Variants in ADK observed in about 807,000 individuals in gnomAD.
ADK encodes the protein adenosine kinase.
A neutral mutation model predicts 44.7 loss-of-function variants in ADK; 24 were observed. The ratio of observed to expected loss-of-function variants is 0.54; its 90% CI spans 0.39 to 0.76. The LOEUF (loss-of-function observed/expected upper bound fraction) is 0.76. ADK is among the 30% of genes least tolerant of loss of function. ADK has a pLI of 0.00. For synonymous variants in ADK, 128 were observed against 142.6 expected, an observed-to-expected ratio of 0.90 and a Z score of 0.73; for missense variants, 321 against 425.1, an observed-to-expected ratio of 0.76 and a Z score of 2.15.
intron 6 of ADK, among the ~76,000 whole-genome samples, chr10:74,469,232 G>A (rs1846471008): frequency 2.0e-5 from 3 of 152,094 alleles, no homozygotes; most frequent in Non-Finnish European, 4.4e-5. Context: ...TGAGCTACTC[G>A]GGAGGCTAAG....
At chr10:74,319,641 A>G (rs1435668319) in intron 4 of ADK, among the ~76,000 whole-genome samples, 1 of 152,222 alleles carries the variant, frequency 6.6e-6, no homozygotes, top group Non-Finnish European at 1.5e-5. Flanking sequence ...TCAGCCGATA[A>G]CAACTATGTG....
At chr10:74,460,429 TACAC>T (rs747550985) in intron 6 of ADK, among the ~76,000 whole-genome samples, 1 of 152,214 alleles carries the variant, frequency 6.6e-6, no homozygotes, top group African/African-American at 2.4e-5. Context: ...TATTTTTTAT[TACAC>T]ACACATGTGT....
At chr10:74,526,147 A>G (rs958239855) in intron 7 of ADK, among the ~76,000 whole-genome samples, 3 of 152,022 alleles carry the variant, frequency 2.0e-5, no homozygotes, top group Admixed American at 6.5e-5. Flanking sequence ...TTTGTTTAAT[A>G]AATTATGAGT....
chr10:74,706,277 C>T (rs1431511402), intron 10 of ADK, among the ~76,000 whole-genome samples: 1 of 152,098 alleles, frequency 6.6e-6, no homozygotes, highest in African/African-American at 2.4e-5. Context: ...GAGACACTGT[C>T]TCAAAAATAA....
chr10:74,211,566 A>G (rs903219463), intron 2 of ADK, among the ~76,000 whole-genome samples: 1 of 152,190 alleles, frequency 6.6e-6, no homozygotes, highest in African/African-American at 2.4e-5. Context: ...ACCATGTAGA[A>G]GTCAATAAAG....
At chr10:74,490,091 A>G (rs1156933280) in intron 6 of ADK, among the ~76,000 whole-genome samples, 1 of 152,004 alleles carries the variant, frequency 6.6e-6, no homozygotes, top group African/African-American at 2.4e-5. Context: ...GTCATAATCT[A>G]TATGCTTTAA....
At chr10:74,468,614 C>T (rs890388272) in intron 6 of ADK, among the ~76,000 whole-genome samples, 37 of 152,104 alleles carry the variant, frequency 2.4e-4, no homozygotes, top group Admixed American at 5.2e-4. Flanking sequence ...GTATAATGTG[C>T]AAGTTTAATA....
At chr10:74,172,478 T>C (rs145061509) in intron 1 of ADK, among the ~76,000 whole-genome samples, 30,533 of 151,878 alleles carry the variant, frequency 0.2, 4,082 homozygotes, top group African/African-American at 0.38. Flanking sequence ...CACCTGAGGT[T>C]GGGAGTTTGA....
chr10:74,642,827 CTTTT>C (rs770015945), intron 9 of ADK, among the ~76,000 whole-genome samples: 1 of 77,490 alleles, frequency 1.3e-5, no homozygotes, highest in African/African-American at 4.6e-5. Flanking sequence ...ATCTTAAGTT[CTTTT>C]TTTTTTTTTT....
rs138816659 is a variant in ADK, at chr10:74,600,157, A to G, written c.763-222A>G. Among the ~76,000 whole-genome samples, 553 of 152,276 alleles carry G rather than the reference A, an allele frequency of 3.6e-3. 4 individuals are homozygous for G. The highest frequency in any genetic ancestry group is 8.8e-3 in the Admixed American group (135 of 15,290). On this transcript the variant is annotated intron_variant, in intron 8 of 10. Transcript: ENST00000539909. ...TGGATGAGGATATAGGTGAAATAAGATTCATCATACATTTTAAATTTGTGT... is the reference window on the plus strand; with the variant it reads ...TGGATGAGGATATAGGTGAAATAAGGTTCATCATACATTTTAAATTTGTGT...
intron 9 of ADK, 80 bp downstream of exon 9, chr10:74,600,573 T>A (rs992774927): frequency 1.5e-5 from 11 of 716,500 alleles, no homozygotes; most frequent in Middle Eastern, 3.1e-4. Flanking sequence ...TTCTTTCTAT[T>A]ATAATATATA....
intron 4 of ADK, among the ~76,000 whole-genome samples, chr10:74,355,093 C>T (rs1280076923): frequency 1.3e-5 from 2 of 152,110 alleles, no homozygotes; most frequent in African/African-American, 4.8e-5. Context: ...TCCCAATGTG[C>T]TAGAACTACG....
intron 8 of ADK, among the ~76,000 whole-genome samples, chr10:74,595,708 T>TCAAAAACTAAA: frequency 8.2e-6 from 1 of 122,402 alleles, no homozygotes; most frequent in Non-Finnish European, 1.7e-5. Context: ...AAAAATAGGC[T>TCAAAAACTAAA]ATATGGCCGG....
chr10:74,694,146 C>CTTTTTTTTTTTT (rs1266786094), intron 10 of ADK, among the ~76,000 whole-genome samples: 2 of 36,308 alleles, frequency 5.5e-5, no homozygotes, highest in African/African-American at 1.1e-4. Flanking sequence ...TTTTCAAACA[C>CTTTTTTTTTTTT]ATTTTTTTTT....
At chr10:74,567,560 T>A (rs554876488) in intron 7 of ADK, among the ~76,000 whole-genome samples, 108 of 152,328 alleles carry the variant, frequency 7.1e-4, no homozygotes, top group Middle Eastern at 3.4e-3. Flanking sequence ...GACACACGTC[T>A]CATTTTTCAT....
chr10:74,182,863 A>G (rs1367217441), intron 1 of ADK, among the ~76,000 whole-genome samples: 2 of 152,178 alleles, frequency 1.3e-5, no homozygotes, highest in African/African-American at 4.8e-5. Flanking sequence ...CTTTCCTGCA[A>G]TATTGGTTAA....
chr10:74,388,771 C>T (rs1013009013), intron 4 of ADK, among the ~76,000 whole-genome samples: 3 of 152,126 alleles, frequency 2.0e-5, no homozygotes, highest in Non-Finnish European at 4.4e-5. Flanking sequence ...TATGATTTTA[C>T]ATATATTCCT....
At chr10:74,530,938 G>T (rs1311878278) in intron 7 of ADK, among the ~76,000 whole-genome samples, 1 of 152,080 alleles carries the variant, frequency 6.6e-6, no homozygotes, top group Non-Finnish European at 1.5e-5. Flanking sequence ...AAAAAGAAGG[G>T]TATCTCAAGT....
At chr10:74,235,442 T>A (rs1330167050) in intron 3 of ADK, among the ~76,000 whole-genome samples, 1 of 152,206 alleles carries the variant, frequency 6.6e-6, no homozygotes, top group Admixed American at 6.5e-5. Context: ...TAGCTGGGAC[T>A]ACAGGTATGT....
Sources: allele counts gnomAD v4.1 joint callset (sites outside exome capture counted in the v4.1 genomes callset), GRCh38; gene constraint gnomAD v4.1.1; transcripts MANE v1.5; gene names NCBI Gene and HGNC (gene_info 2026-07-23, HGNC 2026-07-21).